The following DYM variants were observed in gnomAD, a reference collection of about 807,000 sequenced individuals.
DYM encodes dyggve-Melchior-Clausen syndrome protein.
Under a neutral mutation model 93.1 loss-of-function variants are expected in DYM, and 78 were observed. That is an observed-to-expected ratio of 0.84 (90% CI 0.70 to 1.01). The LOEUF (loss-of-function observed/expected upper bound fraction) is 1.01. DYM is among the 50% of genes least tolerant of loss of function. DYM has a pLI of 0.00. For synonymous variants in DYM, 321 were observed against 319.7 expected, an observed-to-expected ratio of 1.00 and a Z score of -0.04; for missense variants, 789 against 845.0, an observed-to-expected ratio of 0.93 and a Z score of 0.82.
chr18:49,234,280 C>T (rs1367916505), intron 13 of DYM, among the ~76,000 whole-genome samples: 4 of 151,968 alleles, frequency 2.6e-5, no homozygotes, highest in African/African-American at 4.8e-5. Flanking sequence ...CATGGCAAAA[C>T]CCTGTGTCTA....
intron 16 of DYM, chr18:49,116,075 C>T (rs975062314): frequency 1.3e-5 from 2 of 152,226 alleles, no homozygotes; most frequent in Middle Eastern, 3.2e-3. Flanking sequence ...ACAGTCTCAG[C>T]TTCTACGTCC....
chr18:49,320,405 T>C (rs2062376563), intron 8 of DYM, among the ~76,000 whole-genome samples: 1 of 152,210 alleles, frequency 6.6e-6, no homozygotes, highest in Non-Finnish European at 1.5e-5. Flanking sequence ...TATTCATCCA[T>C]AAATGTAACT....
chr18:49,345,083 A>C (rs1482967901), intron 6 of DYM, among the ~76,000 whole-genome samples: 1 of 152,202 alleles, frequency 6.6e-6, no homozygotes, highest in Non-Finnish European at 1.5e-5. Context: ...ATCATAATCC[A>C]GAAAATAATC....
chr18:49,099,647 A>C (rs1308749790), intron 16 of DYM, among the ~76,000 whole-genome samples: 1 of 152,224 alleles, frequency 6.6e-6, no homozygotes, highest in Non-Finnish European at 1.5e-5. Flanking sequence ...TTTTGTACTC[A>C]TTAAAATGTC....
intron 13 of DYM, among the ~76,000 whole-genome samples, chr18:49,212,223 T>C (rs953520059): frequency 1.3e-5 from 2 of 152,220 alleles, no homozygotes; most frequent in African/African-American, 4.8e-5. Flanking sequence ...ATATGTAACA[T>C]GATTTTGGTA....
chr18:49,236,459 G>A (rs1157387496), intron 13 of DYM, among the ~76,000 whole-genome samples: 2 of 146,180 alleles, frequency 1.4e-5, no homozygotes, highest in African/African-American at 2.5e-5. Context: ...CAGCCTGGGC[G>A]ACAGAGCGAG....
intron 15 of DYM, among the ~76,000 whole-genome samples, chr18:49,159,299 A>G (rs1412605623): frequency 2.0e-5 from 3 of 152,228 alleles, no homozygotes; most frequent in Non-Finnish European, 4.4e-5. Context: ...GATGGGGTGG[A>G]AAATAGAAAC....
At chr18:49,077,751 C>G (rs1447821923) in intron 17 of DYM, among the ~76,000 whole-genome samples, 2 of 152,196 alleles carry the variant, frequency 1.3e-5, no homozygotes, top group African/African-American at 4.8e-5. Flanking sequence ...GTTTTGAAAT[C>G]TGTATTATGT....
At chr18:49,438,981 T>C (rs1030195446) in intron 1 of DYM, among the ~76,000 whole-genome samples, 1 of 152,230 alleles carries the variant, frequency 6.6e-6, no homozygotes, top group Non-Finnish European at 1.5e-5. Flanking sequence ...CAAAGAGTCC[T>C]ACTGCCTTTG....
chr18:49,075,631 T>C (rs917052681), intron 17 of DYM, among the ~76,000 whole-genome samples: 1 of 152,118 alleles, frequency 6.6e-6, no homozygotes, highest in Admixed American at 6.5e-5. Context: ...TATAGACACA[T>C]AGTCCCATCT....
chr18:49,427,783 G>A lies in DYM; in HGVS notation c.140+2472C>T, dbSNP rs950515473. 8.5e-5 allele frequency among the ~76,000 whole-genome samples: 13 copies of A among 152,144 alleles called. 1 individual carries two copies. Among genetic ancestry groups the A allele is most frequent in the African/African-American group, 3.1e-4 (13 of 41,432 alleles). On this transcript the variant is annotated intron_variant, in intron 2 of 17. Coordinates refer to ENST00000675505, the MANE Select transcript of DYM (RefSeq NM_001353214.3). The stretch of plus-strand genomic sequence containing the variant: ...TATCCATACAATGGAGTATCACTCA[G>A]CAATAAAAAGGAATGGAGGCTGGGT...
At position 49,063,619 on chromosome 18, in the gene DYM, CTTT is replaced by C. The variant is rs67482709; in HGVS notation, c.2026-19418_2026-19416del. ...GGTAGTAATTTCTTTCTTTCTCTCT[CTTT>C]TTTTTTTTTTTTTTTTTTTTTTAGA... On this transcript the variant is annotated intron_variant, in intron 17 of 17. Coordinates refer to ENST00000675505, the MANE Select transcript of DYM (RefSeq NM_001353214.3). Among the ~76,000 whole-genome samples the C allele has an allele frequency of 3.0e-3, 217 of 71,986 alleles. 2 individuals carry two copies. Among genetic ancestry groups the C allele is most frequent in the Non-Finnish European group, 5.1e-3 (184 of 36,082 alleles). 47.2% of individuals were successfully genotyped at this position (71,986 alleles called of 152,430 possible).
chr18:49,146,226 A>C (rs571041213), intron 15 of DYM, among the ~76,000 whole-genome samples: 1 of 152,336 alleles, frequency 6.6e-6, no homozygotes, highest in South Asian at 2.1e-4. Context: ...TGACAAACCC[A>C]CAGCTGATAT....
Position 49,317,584 on chromosome 18 carries a change from T to C in DYM, c.763+14280A>G, listed in dbSNP as rs1232049702. Among the ~76,000 whole-genome samples the C allele has an allele frequency of 6.4e-3, 79 of 12,256 alleles. 1 individual carries two copies. Among genetic ancestry groups the C allele is most frequent in the African/African-American group, 0.04 (66 of 1,662 alleles). The allele number at this position is 12,256 out of a possible 152,430, so 8.0% of individuals were successfully genotyped here. A position where few individuals can be genotyped will look rare whatever the true frequency, so the allele number is the denominator to read the frequency against. ...CTCTCTCTCTCTCTCTCTCTCTCTC[T>C]CTCTCTCTCTCTCCCCCCTCCCCCC... On this transcript the variant is annotated intron_variant, in intron 8 of 17. Transcript: ENST00000675505.
chr18:49,187,102 G>A (rs769644471), intron 14 of DYM, among the ~76,000 whole-genome samples: 1 of 151,930 alleles, frequency 6.6e-6, no homozygotes, highest in Non-Finnish European at 1.5e-5. Context: ...TGTATGTTTA[G>A]TAGAGGCGGG....
At chr18:49,391,352 A>G (rs1721769927) in intron 3 of DYM, 19 of 471,604 alleles carry the variant, frequency 4.0e-5, no homozygotes, top group South Asian at 2.2e-4. Flanking sequence ...GAACAAGACG[A>G]AAGAGTGTCT....
At chr18:49,106,343 T>G (rs1453447003) in intron 16 of DYM, among the ~76,000 whole-genome samples, 1 of 152,208 alleles carries the variant, frequency 6.6e-6, no homozygotes, top group East Asian at 1.9e-4. Context: ...CACTGATGGG[T>G]CTTGACTCTT....
intron 14 of DYM, among the ~76,000 whole-genome samples, chr18:49,189,293 C>A (rs942546318): frequency 2.6e-5 from 4 of 152,062 alleles, no homozygotes; most frequent in African/African-American, 9.7e-5. Flanking sequence ...TGAATGTATT[C>A]CCTGAATCGA....
chr18:49,044,071 G>A lies in DYM; in HGVS notation c.2159C>T (p.Thr720Ile). ...ATCCTGCCCTCAGTCGGAATCCATG[G>A]TGAACAGCTGGATGTCCTGTGGATT... Reference protein sequence around the residue: ...YWNPQDIQLFTMDSD With the variant: ...YWNPQDIQLFIMDSD The change falls in exon 18 of 18, where the codon ACC (threonine) becomes ATC (isoleucine). Residue 720 changes from threonine (T) to isoleucine (I), a missense_variant. By Grantham distance (89) the Thr-to-Ile change is moderately conservative. Transcript: ENST00000675505. 1 of 1,613,696 alleles carries A rather than the reference G, an allele frequency of 6.2e-7. No individual in the cohort carries two copies. Among genetic ancestry groups the A allele is most frequent in the Admixed American group, 1.7e-5 (1 of 60,020 alleles).
Sources: allele counts gnomAD v4.1 joint callset (sites outside exome capture counted in the v4.1 genomes callset), GRCh38; gene constraint gnomAD v4.1.1; transcripts MANE v1.5; gene names NCBI Gene and HGNC (gene_info 2026-07-23, HGNC 2026-07-21).